Variants in ADPRHL1 observed in about 807,000 individuals in gnomAD.
ADPRHL1 encodes inactive ADP-ribosyltransferase ARH2.
Under a neutral mutation model 44.1 loss-of-function variants are expected in ADPRHL1, and 43 were observed. That is an observed-to-expected ratio of 0.98 (90% CI 0.76 to 1.26). The LOEUF is 1.26. ADPRHL1 is among the 50% of genes most tolerant of loss of function. The probability of loss-of-function intolerance (pLI) is 0.00; values close to 1 mark genes in which losing one functional copy is unlikely to be tolerated. For missense variants in ADPRHL1, 2,022 were observed against 2,496.9 expected (o/e 0.81, Z 4.05); for synonymous variants, 878 against 1,017.4 (o/e 0.86, Z 2.61).
intron 7 of ADPRHL1, among the ~76,000 whole-genome samples, chr13:113,410,741 G>A (rs920495342): frequency 1.3e-5 from 2 of 152,198 alleles, no homozygotes; most frequent in South Asian, 2.1e-4. Context: ...CCTCAACTGC[G>A]CCGTGGGGAT....
chr13:113,403,603 C>A lies in ADPRHL1; in HGVS notation c.5679G>T (p.Gly1893=), dbSNP rs2043779934. 7 of 1,231,614 alleles carry A rather than the reference C, an allele frequency of 5.7e-6. No homozygotes were observed. Among genetic ancestry groups the A allele is most frequent in the Non-Finnish European group, 7.1e-6 (7 of 987,936 alleles). The allele number at this position is 1,231,614 out of a possible 1,614,324, so 76.3% of individuals were successfully genotyped here. A position where few individuals can be genotyped will look rare whatever the true frequency, so the allele number is the denominator to read the frequency against. Residue 1893 remains glycine (G), a synonymous_variant, in exon 8 of 8, where the codon GGG becomes GGT. Coordinates refer to ENST00000612156, the MANE Select transcript of ADPRHL1 (RefSeq NM_001394807.1). ...CCGGGGCCTGGGGAGTCCCGCAGCC[C>A]CCAGCCTCAGGCTTGGGCTCAGTTG... ...KSPTEPKPEA[G]GCGTPQAPAQ...
intron 2 of ADPRHL1, among the ~76,000 whole-genome samples, chr13:113,434,148 G>GC (rs1257205181): frequency 1.3e-5 from 2 of 152,184 alleles, no homozygotes; most frequent in African/African-American, 4.8e-5. Flanking sequence ...CTTTCAACGA[G>GC]ATGTTTTCCC....
At chr13:113,448,502 G>GTC (rs1278111974) in intron 1 of ADPRHL1, among the ~76,000 whole-genome samples, 1 of 143,026 alleles carries the variant, frequency 7.0e-6, no homozygotes, top group East Asian at 2.0e-4. Flanking sequence ...TGGTGCCTGA[G>GTC]TCTCCCAACC....
Position 113,406,199 on chromosome 13 carries a change from G to C in ADPRHL1, c.3083C>G (p.Pro1028Arg), listed in dbSNP as rs1037307430. 27 of 1,232,038 alleles carry C rather than the reference G, an allele frequency of 2.2e-5. No individual in the cohort carries two copies. The highest frequency in any genetic ancestry group is 2.7e-5 in the Non-Finnish European group (27 of 988,024). The allele number at this position is 1,232,038 out of a possible 1,614,324, so 76.3% of individuals were successfully genotyped here. Residue 1028 changes from proline to arginine, a missense_variant, in exon 8 of 8, where the codon CCG becomes CGG. Around this residue, in one of 8 missense-constraint regions of ADPRHL1, gnomAD observed 1,221 missense variants for 1,517.8 expected, o/e 0.80. Coordinates refer to ENST00000612156, the MANE Select transcript of ADPRHL1 (RefSeq NM_001394807.1). The part of the protein sequence containing the change: ...TSHASSSQQV[P>R]SPTGRNPTGA... ...TGTTGGGTTTCTCCCAGTCGGGGAC[G>C]GCACTTGCTGGCTGCTGGAGGCATG...
At position 113,400,334 on chromosome 13, in the gene ADPRHL1, C is replaced by CG. The variant is rs2043750231; in HGVS notation, c.*3043_*3044insC. The CG allele has an allele frequency of 1.3e-5, 2 of 151,554 alleles. No homozygotes were observed. Among genetic ancestry groups the CG allele is most frequent in the Non-Finnish European group, 2.9e-5 (2 of 67,870 alleles). 9.4% of individuals were successfully genotyped at this position (151,554 alleles called of 1,614,324 possible). ...CTAATTTTTGTATTTTTAGTAGAGA[C>CG]AGGGTTTCACTGTGTTAGCCAGGAT... On this transcript the variant is annotated 3_prime_UTR_variant, in exon 8 of 8. Coordinates refer to ENST00000612156, the MANE Select transcript of ADPRHL1 (RefSeq NM_001394807.1).
In ADPRHL1 at chr13:113,447,680, GGAGA is replaced by G. The variant is rs532576518; in HGVS notation, c.215-3095_215-3092del. ...CATCACCCCAGTTCTGAGTCAGGGA[GGAGA>G]GAGAATGTGGCAAGACTGTGGTTTG... On this transcript the variant is annotated intron_variant, in intron 1 of 7. Transcript: ENST00000612156. Among the ~76,000 whole-genome samples, 727 of 152,340 alleles carry G rather than the reference GGAGA, an allele frequency of 4.8e-3. 5 individuals are homozygous for G. Among genetic ancestry groups the G allele is most frequent in the African/African-American group, 0.017 (710 of 41,574 alleles).
intron 4 of ADPRHL1, among the ~76,000 whole-genome samples, chr13:113,426,786 T>C (rs922635250): frequency 6.6e-6 from 1 of 152,234 alleles, no homozygotes. Context: ...GGGCGCAGAC[T>C]GAAAGCACTG....
intron 6 of ADPRHL1, among the ~76,000 whole-genome samples, chr13:113,423,995 C>T (rs1003953330): frequency 1.4e-4 from 22 of 152,196 alleles, no homozygotes; most frequent in African/African-American, 5.3e-4. Flanking sequence ...TGCAGCTGCA[C>T]CTGTATCCTG....
intron 7 of ADPRHL1, among the ~76,000 whole-genome samples, chr13:113,413,523 C>T (rs1307861676): frequency 6.6e-6 from 1 of 152,234 alleles, no homozygotes; most frequent in Non-Finnish European, 1.5e-5. Flanking sequence ...CTGCGTGTCT[C>T]CCGAGGCGCC....
chr13:113,436,286 A>ATG (rs2044055224), intron 2 of ADPRHL1, among the ~76,000 whole-genome samples: 3 of 62,450 alleles, frequency 4.8e-5, no homozygotes, highest in African/African-American at 7.0e-5. Flanking sequence ...GCACCCACGC[A>ATG]TAGAGTGAAC....
chr13:113,419,305 TG>T (rs2043904356), intron 7 of ADPRHL1, among the ~76,000 whole-genome samples: 1 of 124,630 alleles, frequency 8.0e-6, no homozygotes, highest in Non-Finnish European at 1.7e-5. Context: ...TTTGTAGAGA[TG>T]GGGTTTTGCC....
rs745905891 is a variant in ADPRHL1 at position 113,408,133 on chromosome 13, C to T, written c.1149G>A (p.Pro383=). Residue 383 remains proline (P), a synonymous_variant, in exon 8 of 8, where the codon CCG becomes CCA. Transcript: ENST00000612156. ...KKKMGKLACD[P]AAHSILSSLL... ...GGCTGCTGAGGATGGAGTGGGCGGCCGGGTCACAGGCCAGCTTGCCCATCT... is the reference window on the plus strand; with the variant it reads ...GGCTGCTGAGGATGGAGTGGGCGGCTGGGTCACAGGCCAGCTTGCCCATCT... 1.4e-4 allele frequency: 170 copies of T among 1,232,054 alleles called. No homozygotes were observed. Among genetic ancestry groups the T allele is most frequent in the Admixed American group, 1.7e-4 (4 of 23,728 alleles). The allele number at this position is 1,232,054 out of a possible 1,614,324, so 76.3% of individuals were successfully genotyped here.
At position 113,406,152 on chromosome 13, in the gene ADPRHL1, C is replaced by T; in HGVS notation, c.3130G>A (p.Ala1044Thr). 1 of 1,232,132 alleles carries T rather than the reference C, an allele frequency of 8.1e-7. No homozygotes were observed. Among genetic ancestry groups the T allele is most frequent in the Non-Finnish European group, 1.0e-6 (1 of 987,984 alleles). The allele number at this position is 1,232,132 out of a possible 1,614,324, so 76.3% of individuals were successfully genotyped here. The change falls in exon 8 of 8, where the codon GCA (alanine) becomes ACA (threonine). Residue 1044 changes from alanine to threonine, a missense_variant. Around this residue, in one of 8 missense-constraint regions of ADPRHL1, gnomAD observed 1,221 missense variants for 1,517.8 expected, o/e 0.80. Transcript: ENST00000612156. The part of the protein sequence containing the change: ...NPTGAPTSLA[A>T]SSKGRTGPEG... ...GGCCCCGTACGCCCCTTGGATGATG[C>T]CGCCAGTGACGTGGGGGCTCCTGTT...
At chr13:113,426,503 G>A (rs1283816868) in intron 4 of ADPRHL1, among the ~76,000 whole-genome samples, 1 of 152,244 alleles carries the variant, frequency 6.6e-6, no homozygotes, top group Admixed American at 6.5e-5. Context: ...GCAGCGGGGA[G>A]GCTACGCTCC....
Position 113,453,224 on chromosome 13 carries a change from C to G in ADPRHL1, c.214G>C (p.Asp72His). ...CCGGAGCGCGGTGGGCCCAGCCTACCTGTGGTGAGGGCCTCGGCGGTTGCG... is the reference window on the plus strand; with the variant it reads ...CCGGAGCGCGGTGGGCCCAGCCTACGTGTGGTGAGGGCCTCGGCGGTTGCG... ...HIATAEALTT[D>H]YWCLDDLYRE... The change falls in exon 1 of 8, where the codon GAC becomes CAC. Residue 72 changes from aspartate to histidine, a missense_variant and splice_region_variant. Physicochemically the swap from Asp to His is moderately conservative, Grantham distance 81 (BLOSUM62 -1). Around this residue, in one of 8 missense-constraint regions of ADPRHL1, gnomAD observed 437 missense variants for 430.7 expected, o/e 1.01. Coordinates refer to ENST00000612156, the MANE Select transcript of ADPRHL1 (RefSeq NM_001394807.1). The surrounding 1 kb of genome is among the most constrained non-coding windows in gnomAD (Gnocchi z 5.4). 6.2e-7 allele frequency: 1 copy of G among 1,614,042 alleles called. No individual in the cohort carries two copies. The highest frequency in any genetic ancestry group is 1.3e-5 in the African/African-American group (1 of 75,018).
intron 7 of ADPRHL1, chr13:113,422,124 T>C (rs2043928547): frequency 6.6e-6 from 1 of 152,218 alleles, no homozygotes; most frequent in African/African-American, 2.4e-5. Flanking sequence ...AAAGGCCTTC[T>C]CTGCATTTGG....
In ADPRHL1 at chr13:113,407,070, C is replaced by T. The variant is rs965818041; in HGVS notation, c.2212G>A (p.Ala738Thr). The change falls in exon 8 of 8, where the codon GCC (alanine) becomes ACC (threonine). Residue 738 changes from alanine (A) to threonine (T), a missense_variant. Physicochemically the swap from Ala to Thr is moderately conservative, Grantham distance 58. Coordinates refer to ENST00000612156, the MANE Select transcript of ADPRHL1 (RefSeq NM_001394807.1). ...GPASPWGTGSAGGDGTADPTA... is the reference protein window; with the variant it reads ...GPASPWGTGSTGGDGTADPTA... Reference sequence around the variant, plus strand: ...GGGTCTGCAGTCCCATCACCTCCGGCTGATCCGGTGCCCCAAGGGCTGGCC... The same window carrying T: ...GGGTCTGCAGTCCCATCACCTCCGGTTGATCCGGTGCCCCAAGGGCTGGCC... 7.3e-6 allele frequency: 9 copies of T among 1,232,172 alleles called. No individual in the cohort carries two copies. Among genetic ancestry groups the T allele is most frequent in the Middle Eastern group, 3.1e-4 (1 of 3,234 alleles). 76.3% of individuals were successfully genotyped at this position (1,232,172 alleles called of 1,614,324 possible). A position where few individuals can be genotyped will look rare whatever the true frequency, so the allele number is the denominator to read the frequency against.
At position 113,407,584 on chromosome 13, in the gene ADPRHL1, A is replaced by G. The variant is rs1595536490; in HGVS notation, c.1698T>C (p.Ser566=). 2 of 1,232,200 alleles carry G rather than the reference A, an allele frequency of 1.6e-6. No homozygotes were observed. Among genetic ancestry groups the G allele is most frequent in the Non-Finnish European group, 2.0e-6 (2 of 988,086 alleles). 76.3% of individuals were successfully genotyped at this position (1,232,200 alleles called of 1,614,324 possible). The part of the protein sequence containing the change: ...EQNSCLCSEA[S]ALRLHTQERK... Reference sequence around the variant, plus strand: ...GCTCCTGCGTGTGCAGCCTCAGCGCACTGGCCTCGGAGCACAGGCAGCTGT... The same window carrying G: ...GCTCCTGCGTGTGCAGCCTCAGCGCGCTGGCCTCGGAGCACAGGCAGCTGT... Residue 566 remains serine, a synonymous_variant, in exon 8 of 8, where the codon AGT becomes AGC. Transcript: ENST00000612156.
At chr13:113,415,242 C>T (rs1353932480) in intron 7 of ADPRHL1, among the ~76,000 whole-genome samples, 2 of 152,174 alleles carry the variant, frequency 1.3e-5, no homozygotes, top group South Asian at 2.1e-4. Context: ...CGGACCTGCC[C>T]GTGTCCGGGT....
Sources: allele counts gnomAD v4.1 joint callset (sites outside exome capture counted in the v4.1 genomes callset), GRCh38; gene constraint gnomAD v4.1.1; regional missense constraint gnomAD v4.1.1; non-coding constraint Gnocchi (gnomAD v3.1); transcripts MANE v1.5; gene names NCBI Gene and HGNC (gene_info 2026-07-23, HGNC 2026-07-21).